The following MECOM variants were observed in gnomAD, a reference collection of about 807,000 sequenced individuals.
The protein encoded by MECOM is MDS1 and EVI1 complex locus.
Under a neutral mutation model 116.3 loss-of-function variants are expected in MECOM, and 13 were observed. That is an observed-to-expected ratio of 0.11 (90% CI 0.07 to 0.18). The LOEUF is 0.18. Ranked by LOEUF, MECOM falls within the 10% of genes least tolerant of loss-of-function variation. MECOM has a pLI of 1.00. For synonymous variants in MECOM, 528 were observed against 535.2 expected, an observed-to-expected ratio of 0.99 and a Z score of 0.19; for missense variants, 1,299 against 1,509.0, an observed-to-expected ratio of 0.86 and a Z score of 2.31.
chr3:169,112,351 T>TA (rs1727695153), intron 9 of MECOM, among the ~76,000 whole-genome samples: 2 of 152,244 alleles, frequency 1.3e-5, no homozygotes, highest in African/African-American at 4.8e-5. Flanking sequence ...CTTCACCCTC[T>TA]ATGGTAACAA....
At chr3:169,289,635 G>C (rs186734324) in intron 2 of MECOM, among the ~76,000 whole-genome samples, 1 of 152,056 alleles carries the variant, frequency 6.6e-6, no homozygotes, top group South Asian at 2.1e-4. Context: ...TCTCTTACTC[G>C]GCATTTGTAT....
intron 2 of MECOM, among the ~76,000 whole-genome samples, chr3:169,326,667 A>G (rs1011024470): frequency 1.3e-5 from 2 of 152,202 alleles, no homozygotes; most frequent in Admixed American, 1.3e-4. Context: ...ATTTTTTTGT[A>G]GATCAGCAAG....
At chr3:169,100,582 GATA>G (rs1477358926) in intron 12 of MECOM, among the ~76,000 whole-genome samples, 3 of 151,992 alleles carry the variant, frequency 2.0e-5, no homozygotes, top group Non-Finnish European at 2.9e-5. Context: ...GAGAACAAAT[GATA>G]ATAAAAAATA....
intron 1 of MECOM, among the ~76,000 whole-genome samples, chr3:169,426,729 G>T (rs1250871001): frequency 6.6e-6 from 1 of 152,192 alleles, no homozygotes; most frequent in East Asian, 1.9e-4. Context: ...GATTAATTGA[G>T]CTGCACGTGG....
At chr3:169,560,483 T>C (rs2109360022) in intron 1 of MECOM, among the ~76,000 whole-genome samples, 1 of 152,302 alleles carries the variant, frequency 6.6e-6, no homozygotes, top group South Asian at 2.1e-4. Flanking sequence ...ATAAAAAATT[T>C]ATATCCCCTT....
At chr3:169,396,001 T>C (rs936139797) in intron 1 of MECOM, among the ~76,000 whole-genome samples, 2 of 152,172 alleles carry the variant, frequency 1.3e-5, no homozygotes, top group African/African-American at 4.8e-5. Flanking sequence ...GTCCAGAAAC[T>C]ATAGAAGCTA....
intron 1 of MECOM, among the ~76,000 whole-genome samples, chr3:169,635,397 C>T (rs1225060869): frequency 6.6e-6 from 1 of 152,204 alleles, no homozygotes; most frequent in Non-Finnish European, 1.5e-5. Context: ...TACACACACC[C>T]TGATGTAGCA....
chr3:169,237,370 AG>A (rs1427227841), intron 2 of MECOM, among the ~76,000 whole-genome samples: 7 of 152,168 alleles, frequency 4.6e-5, no homozygotes, highest in Non-Finnish European at 4.4e-5. Context: ...TAAGTACCAA[AG>A]GATTTCACTC....
chr3:169,598,575 A>G (rs181435455), intron 1 of MECOM, among the ~76,000 whole-genome samples: 23 of 152,330 alleles, frequency 1.5e-4, no homozygotes, highest in Admixed American at 2.6e-4. Context: ...TCAGAGACAG[A>G]AGCCTGGTTT....
At chr3:169,146,383 G>A in intron 2 of MECOM, 3 of 1,387,142 alleles carry the variant, frequency 2.2e-6, no homozygotes, top group Non-Finnish European at 2.9e-6. Context: ...CACCTTGTGC[G>A]TCCCCGAAAC....
At chr3:169,638,141 G>A (rs1391338101) in intron 1 of MECOM, among the ~76,000 whole-genome samples, 1 of 152,170 alleles carries the variant, frequency 6.6e-6, no homozygotes, top group African/African-American at 2.4e-5. Context: ...TAATTGTAGT[G>A]AACTGTATTT....
chr3:169,580,607 T>C (rs990072440), intron 1 of MECOM, among the ~76,000 whole-genome samples: 3 of 152,180 alleles, frequency 2.0e-5, no homozygotes, highest in African/African-American at 7.2e-5. Context: ...TTTTGTGTGA[T>C]ATCTATTTTC....
intron 1 of MECOM, among the ~76,000 whole-genome samples, chr3:169,535,706 G>A (rs1448985992): frequency 6.6e-6 from 1 of 152,174 alleles, no homozygotes; most frequent in East Asian, 1.9e-4. Flanking sequence ...TCTCACTGGA[G>A]AAGGAACTGT....
chr3:169,137,109 C>T (rs1273823016), intron 3 of MECOM, among the ~76,000 whole-genome samples: 1 of 152,026 alleles, frequency 6.6e-6, no homozygotes, highest in Non-Finnish European at 1.5e-5. Context: ...GGCCTAAATG[C>T]TTTATTTTCT....
intron 16 of MECOM, among the ~76,000 whole-genome samples, chr3:169,088,153 T>C (rs1718434580): frequency 6.6e-6 from 1 of 150,942 alleles, no homozygotes; most frequent in Non-Finnish European, 1.5e-5. Context: ...TCAGGCCACA[T>C]ACAAAATGAA....
At chr3:169,390,294 T>C (rs1366172297) in intron 1 of MECOM, among the ~76,000 whole-genome samples, 4 of 152,152 alleles carry the variant, frequency 2.6e-5, no homozygotes, top group Non-Finnish European at 5.9e-5. Context: ...ACTCTGAGAA[T>C]TGGTTTGGTC....
rs1717132559 is a variant in MECOM, at chr3:169,084,864, A to G, written c.*45T>C. 2.5e-6 allele frequency: 4 copies of G among 1,612,134 alleles called. No individual in the cohort carries two copies. The South Asian group carries it at 4.4e-5, about 18-fold the overall frequency. ...GTAAATAGTCCTATATGAAAGAGCC[A>G]TGCTACTGTTGGACTTGGTCCCACT... On this transcript the variant is annotated 3_prime_UTR_variant, in exon 17 of 17. Transcript: ENST00000651503.
At chr3:169,296,483 A>T (rs1234679284) in intron 2 of MECOM, among the ~76,000 whole-genome samples, 5 of 152,174 alleles carry the variant, frequency 3.3e-5, no homozygotes, top group African/African-American at 1.2e-4. Flanking sequence ...TGCCAGCAAG[A>T]TTACATCCAC....
At chr3:169,532,708 A>G (rs189380717) in intron 1 of MECOM, among the ~76,000 whole-genome samples, 57 of 152,280 alleles carry the variant, frequency 3.7e-4, no homozygotes, top group African/African-American at 1.3e-3. Flanking sequence ...AGTTGCCCTC[A>G]GTGTGATTTT....
Sources: allele counts gnomAD v4.1 joint callset (sites outside exome capture counted in the v4.1 genomes callset), GRCh38; gene constraint gnomAD v4.1.1; transcripts MANE v1.5; gene names NCBI Gene and HGNC (gene_info 2026-07-23, HGNC 2026-07-21).